The following ANO3 variants were observed in gnomAD, a reference collection of about 807,000 sequenced individuals.
The protein encoded by ANO3 is anoctamin 3, also known as anoctamin-3.
In ANO3, 99 loss-of-function variants were observed where a neutral mutation model predicts 144.8. The observed-to-expected ratio is 0.68, with a 90% confidence interval of 0.58 to 0.81. ANO3 has a LOEUF of 0.81. Ranked by LOEUF, ANO3 falls within the 30% of genes least tolerant of loss-of-function variation. ANO3 has a pLI of 0.00. For missense variants in ANO3, 905 were observed against 1,202.2 expected (o/e 0.75, Z 3.66); for synonymous variants, 414 against 392.6 (o/e 1.05, Z -0.64).
chr11:26,208,794 T>A (rs1851870916), intron 1 of ANO3, among the ~76,000 whole-genome samples: 1 of 152,194 alleles, frequency 6.6e-6, no homozygotes, highest in African/African-American at 2.4e-5. Context: ...TAATGATGAT[T>A]TTGATAAATA....
chr11:26,312,676 AC>A (rs1391565294), intron 1 of ANO3, among the ~76,000 whole-genome samples: 2 of 152,074 alleles, frequency 1.3e-5, no homozygotes, highest in African/African-American at 4.8e-5. Flanking sequence ...TCATTCACCC[AC>A]TTTTTGATGG....
chr11:26,615,220 C>T (rs1396628048), intron 17 of ANO3, among the ~76,000 whole-genome samples: 1 of 149,064 alleles, frequency 6.7e-6, no homozygotes. Context: ...ATAAAACCAC[C>T]GCTATACAAG....
At position 26,506,940 on chromosome 11, in the gene ANO3, A is replaced by T. The variant is rs1051980694; in HGVS notation, c.433-1164A>T. Among the ~76,000 whole-genome samples, 5 of 152,342 alleles carry T rather than the reference A, an allele frequency of 3.3e-5. No individual in the cohort carries two copies. In the South Asian group the frequency reaches 6.2e-4, roughly 19 times the overall value. Reference sequence around the variant, plus strand: ...GTCTGAAATGCTTTTGTCTGAAATTATCTAATATCTCCCCAGACATTGGAA... The same window carrying T: ...GTCTGAAATGCTTTTGTCTGAAATTTTCTAATATCTCCCCAGACATTGGAA... On this transcript the variant is annotated intron_variant, in intron 4 of 26. Transcript: ENST00000256737.
intron 1 of ANO3, among the ~76,000 whole-genome samples, chr11:26,437,571 A>G (rs1186678894): frequency 6.6e-6 from 1 of 152,146 alleles, no homozygotes; most frequent in African/African-American, 2.4e-5. Context: ...GTACCTGGGT[A>G]CTTCAGTTGT....
chr11:26,290,055 T>A (rs1479848950), intron 1 of ANO3, among the ~76,000 whole-genome samples: 1 of 152,036 alleles, frequency 6.6e-6, no homozygotes, highest in Admixed American at 6.6e-5. Flanking sequence ...TTTTTTTAGT[T>A]GGTAGGCTAT....
At chr11:26,622,390 T>C (rs900083194) in intron 17 of ANO3, among the ~76,000 whole-genome samples, 9 of 148,912 alleles carry the variant, frequency 6.0e-5, no homozygotes, top group Non-Finnish European at 1.2e-4. Flanking sequence ...GGATGAGGAA[T>C]TGGAGACCAG....
intron 14 of ANO3, among the ~76,000 whole-genome samples, chr11:26,577,904 G>C (rs1396415810): frequency 6.6e-6 from 1 of 152,152 alleles, no homozygotes; most frequent in Non-Finnish European, 1.5e-5. Flanking sequence ...AATATGATAG[G>C]ATCAATGAAC....
At chr11:26,245,490 AG>A (rs1261194701) in intron 1 of ANO3, among the ~76,000 whole-genome samples, 1 of 152,078 alleles carries the variant, frequency 6.6e-6, no homozygotes, top group Non-Finnish European at 1.5e-5. Context: ...TTCTTATGTA[AG>A]GTATAGCTTT....
intron 6 of ANO3, among the ~76,000 whole-genome samples, chr11:26,525,040 TC>T (rs1336444300): frequency 6.6e-6 from 1 of 152,152 alleles, no homozygotes; most frequent in Non-Finnish European, 1.5e-5. Context: ...TCCTTTGTCC[TC>T]CACCTGTAAA....
At chr11:26,634,384 C>T in intron 19 of ANO3, 69 bp downstream of exon 19, 1 of 977,748 alleles carries the variant, frequency 1.0e-6, no homozygotes, top group Non-Finnish European at 1.6e-6. Context: ...TTGACGATTA[C>T]TGTTCTTACT....
chr11:26,626,878 A>G (rs1460151716), intron 18 of ANO3, among the ~76,000 whole-genome samples: 1 of 151,892 alleles, frequency 6.6e-6, no homozygotes, highest in Non-Finnish European at 1.5e-5. Flanking sequence ...AATGTTTTAT[A>G]TTGACTCATG....
At chr11:26,414,055 A>T (rs566059290) in intron 1 of ANO3, among the ~76,000 whole-genome samples, 137 of 152,242 alleles carry the variant, frequency 9.0e-4, no homozygotes, top group Non-Finnish European at 1.6e-3. Context: ...ATCTCATGCC[A>T]GTCAGAATTG....
intron 1 of ANO3, among the ~76,000 whole-genome samples, chr11:26,367,505 C>T (rs1046073573): frequency 1.3e-5 from 2 of 152,066 alleles, no homozygotes; most frequent in African/African-American, 2.4e-5. Context: ...TTTCCCTCAT[C>T]TGTCTTCTTC....
chr11:26,291,996 CAG>C (rs1853969832), intron 1 of ANO3, among the ~76,000 whole-genome samples: 1 of 152,176 alleles, frequency 6.6e-6, no homozygotes, highest in African/African-American at 2.4e-5. Context: ...TAATATCCTG[CAG>C]AGTGTTTTCC....
intron 14 of ANO3, among the ~76,000 whole-genome samples, chr11:26,587,289 C>T (rs967117619): frequency 6.6e-6 from 1 of 152,162 alleles, no homozygotes; most frequent in African/African-American, 2.4e-5. Flanking sequence ...ATGAACTAAG[C>T]ACTTTTTATG....
intron 1 of ANO3, among the ~76,000 whole-genome samples, chr11:26,297,133 A>G (rs1025875449): frequency 6.6e-5 from 10 of 151,416 alleles, no homozygotes; most frequent in African/African-American, 2.4e-4. Context: ...GTAATCACTG[A>G]TTGTGTTCTT....
intron 13 of ANO3, among the ~76,000 whole-genome samples, chr11:26,557,644 T>G (rs917274332): frequency 2.0e-5 from 3 of 152,212 alleles, no homozygotes; most frequent in African/African-American, 7.2e-5. Context: ...ATATTTCATC[T>G]GGAGTTTCTT....
intron 1 of ANO3, among the ~76,000 whole-genome samples, chr11:26,378,225 C>T (rs561968033): frequency 1.3e-5 from 2 of 151,120 alleles, no homozygotes; most frequent in African/African-American, 4.8e-5. Flanking sequence ...TACCATAAAA[C>T]ATTATAATTG....
chr11:26,563,272 G>A lies in ANO3; in HGVS notation c.1447+3493G>A, dbSNP rs760065541. 10 of 1,573,858 alleles carry A rather than the reference G, an allele frequency of 6.4e-6. No individual in the cohort carries two copies. In the East Asian group the frequency reaches 2.0e-4, roughly 32 times the overall value. On this transcript the variant is annotated intron_variant, in intron 14 of 26. Coordinates refer to ENST00000256737, the MANE Select transcript of ANO3 (RefSeq NM_031418.4). ...ATTCCTGTATTTCTATTTTCTACAGGACAAAAAAAATTTAAAGAAATATAA... is the reference window on the plus strand; with the variant it reads ...ATTCCTGTATTTCTATTTTCTACAGAACAAAAAAAATTTAAAGAAATATAA...
Sources: allele counts gnomAD v4.1 joint callset (sites outside exome capture counted in the v4.1 genomes callset), GRCh38; gene constraint gnomAD v4.1.1; transcripts MANE v1.5; gene names NCBI Gene and HGNC (gene_info 2026-07-23, HGNC 2026-07-21).